KSR2: variants seen among roughly 807,000 people sequenced by gnomAD.
The protein encoded by KSR2 is kinase suppressor of ras 2.
Under a neutral mutation model 107.8 loss-of-function variants are expected in KSR2, and 25 were observed. The ratio of observed to expected loss-of-function variants is 0.23; its 90% CI spans 0.17 to 0.32. KSR2 has a LOEUF of 0.32. KSR2 is among the 10% of genes least tolerant of loss of function. The pLI, the probability that KSR2 is intolerant of heterozygous loss-of-function variation, is 1.00. For synonymous variants in KSR2, 480 were observed against 507.0 expected, an observed-to-expected ratio of 0.95 and a Z score of 0.71; for missense variants, 887 against 1,268.9, an observed-to-expected ratio of 0.70 and a Z score of 4.57.
At chr12:117,833,903 C>T (rs531279998) in intron 3 of KSR2, among the ~76,000 whole-genome samples, 9 of 151,538 alleles carry the variant, frequency 5.9e-5, no homozygotes, top group Admixed American at 1.3e-4. Flanking sequence ...CCGAGGCAGG[C>T]GGATCGCTTG....
intron 1 of KSR2, among the ~76,000 whole-genome samples, chr12:117,964,762 A>G (rs553643842): frequency 4.6e-5 from 7 of 152,362 alleles, no homozygotes; most frequent in African/African-American, 1.7e-4. Context: ...CAAAAACTTA[A>G]AACTATAAAT....
intron 14 of KSR2, among the ~76,000 whole-genome samples, chr12:117,495,699 C>T (rs1358254358): frequency 1.3e-5 from 2 of 152,160 alleles, no homozygotes; most frequent in East Asian, 1.9e-4. Flanking sequence ...AAAAAGGAAG[C>T]GTAGACTCTC....
intron 5 of KSR2, among the ~76,000 whole-genome samples, chr12:117,639,657 T>A (rs910797806): frequency 1.7e-5 from 2 of 117,310 alleles, no homozygotes; most frequent in African/African-American, 6.5e-5. Flanking sequence ...TTATTATTAT[T>A]ATATTATTTT....
intron 10 of KSR2, among the ~76,000 whole-genome samples, chr12:117,537,636 T>C (rs557826387): frequency 6.6e-6 from 1 of 152,340 alleles, no homozygotes; most frequent in East Asian, 1.9e-4. Flanking sequence ...GATTTGAACC[T>C]AAGCAGCTTG....
intron 7 of KSR2, among the ~76,000 whole-genome samples, chr12:117,559,378 T>A (rs1460063015): frequency 6.6e-6 from 1 of 152,212 alleles, no homozygotes; most frequent in Non-Finnish European, 1.5e-5. Flanking sequence ...GTATTTATGA[T>A]CATCATCACA....
At chr12:117,711,150 G>A (rs1338066871) in intron 4 of KSR2, among the ~76,000 whole-genome samples, 1 of 152,120 alleles carries the variant, frequency 6.6e-6, no homozygotes, top group South Asian at 2.1e-4. Context: ...GACCATTGCA[G>A]CCTCCAGACC....
At chr12:117,747,407 G>C (rs553608307) in intron 4 of KSR2, among the ~76,000 whole-genome samples, 2 of 151,246 alleles carry the variant, frequency 1.3e-5, no homozygotes, top group Admixed American at 1.3e-4. Flanking sequence ...CACAGGGTGG[G>C]GAACAACACA....
intron 1 of KSR2, among the ~76,000 whole-genome samples, chr12:117,883,740 G>A (rs1469051910): frequency 2.6e-5 from 4 of 152,094 alleles, no homozygotes; most frequent in South Asian, 2.1e-4. Flanking sequence ...GCTGGATGTG[G>A]TGGCAGGCAT....
At chr12:117,762,193 T>A (rs1487597289) in intron 3 of KSR2, among the ~76,000 whole-genome samples, 2 of 152,254 alleles carry the variant, frequency 1.3e-5, no homozygotes, top group Non-Finnish European at 2.9e-5. Context: ...TCTGGTAGTT[T>A]CAAAGTGATT....
rs558152203 is a variant in KSR2, at chr12:117,608,011, C to T, written c.1172-25652G>A. On this transcript the variant is annotated intron_variant, in intron 5 of 19. Coordinates refer to ENST00000339824, the MANE Select transcript of KSR2 (RefSeq NM_173598.6). Reference sequence around the variant, plus strand: ...AGCCCCACATGGGGTCAACTCAGCTCTGTAAGACAACCACCCCTTGAGGGG... The same window carrying T: ...AGCCCCACATGGGGTCAACTCAGCTTTGTAAGACAACCACCCCTTGAGGGG... Among the ~76,000 whole-genome samples the T allele has an allele frequency of 3.3e-5, 5 of 152,306 alleles. No individual in the cohort carries two copies. In the East Asian group the frequency reaches 9.7e-4, roughly 29 times the overall value.
At chr12:117,752,851 C>A (rs1434102590) in intron 4 of KSR2, among the ~76,000 whole-genome samples, 2 of 152,190 alleles carry the variant, frequency 1.3e-5, no homozygotes, top group East Asian at 1.9e-4. Context: ...GTATTGTGGG[C>A]AGACCTAAAT....
chr12:117,526,954 G>T, intron 13 of KSR2, 117 bp downstream of exon 13: 1 of 784,576 alleles, frequency 1.3e-6, no homozygotes, highest in Non-Finnish European at 2.2e-6. Flanking sequence ...CATCAGTCAG[G>T]GCCACCACAG....
At chr12:117,709,962 A>T (rs923508746) in intron 4 of KSR2, among the ~76,000 whole-genome samples, 45 of 137,838 alleles carry the variant, frequency 3.3e-4, no homozygotes, top group African/African-American at 1.2e-3. Flanking sequence ...GATTGTAAAA[A>T]GTCTTGATCT....
At chr12:117,752,929 C>T (rs913570671) in intron 4 of KSR2, among the ~76,000 whole-genome samples, 4 of 152,190 alleles carry the variant, frequency 2.6e-5, no homozygotes, top group African/African-American at 7.2e-5. Context: ...CCCCCAACAA[C>T]GTGGCTGTGG....
chr12:117,914,207 T>C (rs2137437112), intron 1 of KSR2, among the ~76,000 whole-genome samples: 1 of 152,196 alleles, frequency 6.6e-6, no homozygotes, highest in South Asian at 2.1e-4. Context: ...GATGGCCAGA[T>C]TGCTCGAGCC....
chr12:117,860,254 A>G (rs1247564166), intron 2 of KSR2, 37 bp downstream of exon 2: 1 of 1,589,662 alleles, frequency 6.3e-7, no homozygotes, highest in East Asian at 2.3e-5. Context: ...GCTGCTGGCC[A>G]GTAAGGGGCA....
At chr12:117,939,765 C>G (rs764550719) in intron 1 of KSR2, among the ~76,000 whole-genome samples, 2 of 150,436 alleles carry the variant, frequency 1.3e-5, no homozygotes, top group Non-Finnish European at 3.0e-5. Flanking sequence ...TGTGGTGAAA[C>G]CCCCGTCTCT....
At chr12:117,634,585 C>T (rs769349962) in intron 5 of KSR2, among the ~76,000 whole-genome samples, 1 of 152,000 alleles carries the variant, frequency 6.6e-6, no homozygotes, top group African/African-American at 2.4e-5. Flanking sequence ...CACACACAAG[C>T]GAGGAGGAAT....
In KSR2 at chr12:117,968,209, C is replaced by T; in HGVS notation, c.47G>A (p.Ser16Asn). ...MTKSEEQQPL[S>N]LQKALQQCEL... ...GCACTGCTGTAAGGCTTTTTGCAAA[C>T]TCAGAGGCTGCTGCTCCTCGCTTTT... The change falls in exon 1 of 20, where the codon AGT becomes AAT. Residue 16 changes from serine to asparagine, a missense_variant. Physicochemically the swap from Ser to Asn is conservative, Grantham distance 46 (BLOSUM62 1). Transcript: ENST00000339824. 1 of 1,606,322 alleles carries T rather than the reference C, an allele frequency of 6.2e-7. No homozygotes were observed. The highest frequency in any genetic ancestry group is 8.5e-7 in the Non-Finnish European group (1 of 1,176,938).
Sources: gnomAD v4.1 joint callset for allele counts (sites outside exome capture counted in the v4.1 genomes callset) on GRCh38, gnomAD v4.1.1 for gene constraint, MANE v1.5 for transcripts, NCBI Gene and HGNC (gene_info 2026-07-23, HGNC 2026-07-21) for gene names.